The following ARHGEF11 variants were observed in gnomAD, a reference collection of about 807,000 sequenced individuals.
ARHGEF11 encodes Rho guanine nucleotide exchange factor 11, also known as Rho guanine exchange factor (GEF) 11.
In ARHGEF11, 55 loss-of-function variants were observed where a neutral mutation model predicts 193.7. That is an observed-to-expected ratio of 0.28 (90% CI 0.23 to 0.36). The LOEUF is 0.36. Ranked by LOEUF, ARHGEF11 falls within the 10% of genes least tolerant of loss-of-function variation. The probability of loss-of-function intolerance (pLI) is 1.00; values close to 1 mark genes in which losing one functional copy is unlikely to be tolerated. For missense variants in ARHGEF11, 1,723 were observed against 2,005.6 expected (o/e 0.86, Z 2.69); for synonymous variants, 693 against 768.0 (o/e 0.90, Z 1.62).
chr1:156,961,580 T>C (rs1287164789), intron 14 of ARHGEF11, 97 bp downstream of exon 14: 6 of 1,003,578 alleles, frequency 6.0e-6, no homozygotes, highest in Non-Finnish European at 9.3e-6. Flanking sequence ...TTTAAGAACC[T>C]GTCTCTGTTT....
Position 156,978,398 on chromosome 1 carries a change from G to C in ARHGEF11, c.332-16C>G. 1.3e-6 allele frequency: 2 copies of C among 1,574,408 alleles called. No individual in the cohort carries two copies. The highest frequency in any genetic ancestry group is 1.7e-6 in the Non-Finnish European group (2 of 1,161,710). On this transcript the variant is annotated splice_polypyrimidine_tract_variant and intron_variant, in intron 5 of 40. Coordinates refer to ENST00000368194, the MANE Select transcript of ARHGEF11 (RefSeq NM_198236.3). Reference sequence around the variant, plus strand: ...TAGGCGCCAGCTAGAGGGAAACAGAGAGAGACTTGTTCCAGGAGTGCTGTT... The same window carrying C: ...TAGGCGCCAGCTAGAGGGAAACAGACAGAGACTTGTTCCAGGAGTGCTGTT...
At position 156,940,190 on chromosome 1, in the gene ARHGEF11, G is replaced by C; in HGVS notation, c.3733+17C>G. On this transcript the variant is annotated intron_variant, in intron 36 of 40. Transcript: ENST00000368194. ...ACTGGGGACCAGGGGCTGACGGCAG[G>C]GCCTTGAAGCACTCACCATCTTCCA... is the stretch of plus-strand genomic sequence containing the variant. The C allele has an allele frequency of 6.4e-7, 1 of 1,551,746 alleles. No homozygotes were observed. The highest frequency in any genetic ancestry group is 8.7e-7 in the Non-Finnish European group (1 of 1,146,660).
At chr1:156,946,538 T>C (rs1658157648) in intron 28 of ARHGEF11, 124 bp downstream of exon 28, 2 of 1,335,312 alleles carry the variant, frequency 1.5e-6, no homozygotes, top group Non-Finnish European at 2.1e-6. Flanking sequence ...TTGAGGAGCG[T>C]GTGTCGAAGG....
Position 156,948,419 on chromosome 1 carries a change from T to A in ARHGEF11, c.2005A>T (p.Asn669Tyr). ...ACATCACTGCGAGAGCGGGGCACGT[T>A]CTCTGCCTTTCGAGACCGTTTCATC... Reference protein sequence around the residue: ...EEMKRSRKAENVPRSRSDVDM... With the variant: ...EEMKRSRKAEYVPRSRSDVDM... Residue 669 changes from asparagine (N) to tyrosine (Y), a missense_variant, in exon 23 of 41, where the codon AAC (asparagine) becomes TAC (tyrosine). By Grantham distance (143) the Asn-to-Tyr change is moderately radical. This residue lies in a region of ARHGEF11 where 491 missense variants were observed against 654.5 expected (regional missense o/e 0.75). Transcript: ENST00000368194. This position sits in a 1 kb window ranked among gnomAD's most constrained non-coding sequence, Gnocchi z 4.2. 1.2e-6 allele frequency: 2 copies of A among 1,614,208 alleles called. No individual in the cohort carries two copies. Among genetic ancestry groups the A allele is most frequent in the African/African-American group, 1.3e-5 (1 of 75,046 alleles).
At chr1:156,980,276 A>T (rs1663930288) in intron 4 of ARHGEF11, among the ~76,000 whole-genome samples, 161 bp downstream of exon 4, 1 of 152,186 alleles carries the variant, frequency 6.6e-6, no homozygotes, top group Non-Finnish European at 1.5e-5. Flanking sequence ...ACTCTCTCTC[A>T]TGCTATACCA....
upstream of ARHGEF11, among the ~76,000 whole-genome samples, chr1:157,045,783 C>A (rs1406242802): frequency 2.0e-5 from 3 of 150,802 alleles, no homozygotes; most frequent in Admixed American, 1.3e-4. Flanking sequence ...CGGGCCCCTT[C>A]CCCCTCGGTT....
In ARHGEF11 at chr1:156,936,811, C is replaced by T; in HGVS notation, c.4630+5G>A. ...AGGAACCGAGAGGGACCTGGCTTCA[C>T]TCACCATCCTCAGGGCAGGGCCCCA... On this transcript the variant is annotated splice_donor_5th_base_variant and intron_variant, in intron 40 of 40. Coordinates refer to ENST00000368194, the MANE Select transcript of ARHGEF11 (RefSeq NM_198236.3). 1 of 1,611,602 alleles carries T rather than the reference C, an allele frequency of 6.2e-7. No homozygotes were observed. The highest frequency in any genetic ancestry group is 8.5e-7 in the Non-Finnish European group (1 of 1,178,412).
Position 156,946,031 on chromosome 1 carries a change from T to C in ARHGEF11, c.2812+14A>G. 1.2e-6 allele frequency: 2 copies of C among 1,602,254 alleles called. No individual in the cohort carries two copies. The highest frequency in any genetic ancestry group is 2.2e-5 in the South Asian group (2 of 90,770). On this transcript the variant is annotated intron_variant, in intron 29 of 40. Coordinates refer to ENST00000368194, the MANE Select transcript of ARHGEF11 (RefSeq NM_198236.3). ...GCCCACTGCCTGTGATGCCAGCCCC[T>C]CCCCAGGTGCTACCCTCTGTGTGCT... is the stretch of plus-strand genomic sequence containing the variant.
At chr1:157,005,339 C>A (rs768573854) in intron 1 of ARHGEF11, among the ~76,000 whole-genome samples, 2 of 152,144 alleles carry the variant, frequency 1.3e-5, no homozygotes, top group Non-Finnish European at 2.9e-5. Context: ...GGTCTGGGTT[C>A]CCTGGAATCA....
chr1:157,001,535 A>T (rs535404424), intron 1 of ARHGEF11, among the ~76,000 whole-genome samples: 1 of 152,346 alleles, frequency 6.6e-6, no homozygotes, highest in African/African-American at 2.4e-5. Context: ...GACAACCCCA[A>T]GCAACAAACT....
intron 1 of ARHGEF11, among the ~76,000 whole-genome samples, chr1:157,043,471 T>C (rs1673004418): frequency 6.6e-6 from 1 of 152,156 alleles, no homozygotes; most frequent in South Asian, 2.1e-4. Context: ...TTACCAGTGA[T>C]AGAGGTGGCT....
In ARHGEF11 at chr1:156,948,265, C is replaced by T. The variant is rs1205688660; in HGVS notation, c.2106-37G>A. The T allele has an allele frequency of 6.2e-7, 1 of 1,603,996 alleles. No individual in the cohort carries two copies. The highest frequency in any genetic ancestry group is 1.3e-5 in the African/African-American group (1 of 74,732). On this transcript the variant is annotated intron_variant, in intron 23 of 40. Transcript: ENST00000368194. This position sits in a 1 kb window ranked among gnomAD's most constrained non-coding sequence, Gnocchi z 4.2. ...ATGTCAACTCTCAGCAACCCTCTATCCTTGCCGCCACCCCTGAGATGTCCA... is the reference window on the plus strand; with the variant it reads ...ATGTCAACTCTCAGCAACCCTCTATTCTTGCCGCCACCCCTGAGATGTCCA...
intron 1 of ARHGEF11, among the ~76,000 whole-genome samples, chr1:157,015,288 A>AG (rs1669073000): frequency 6.6e-6 from 1 of 152,196 alleles, no homozygotes; most frequent in African/African-American, 2.4e-5. Context: ...ACTACTTACC[A>AG]GCTGTGTGAT....
intron 11 of ARHGEF11, among the ~76,000 whole-genome samples, chr1:156,967,309 C>T (rs1456607115): frequency 6.6e-6 from 1 of 152,200 alleles, no homozygotes; most frequent in Non-Finnish European, 1.5e-5. Context: ...AACGTCTGAA[C>T]GTTGTTAGAC....
chr1:157,016,185 C>T (rs1310158340), intron 1 of ARHGEF11, among the ~76,000 whole-genome samples: 1 of 152,088 alleles, frequency 6.6e-6, no homozygotes, highest in African/African-American at 2.4e-5. Flanking sequence ...ACATGGTCAG[C>T]GAGCAACAAA....
intron 29 of ARHGEF11, 42 bp from the exon 30 acceptor site, chr1:156,945,239 A>AG (rs751992173): frequency 5.7e-6 from 9 of 1,592,484 alleles, no homozygotes; most frequent in Non-Finnish European, 7.7e-6. Flanking sequence ...CTCCTGCCTG[A>AG]GAAGTCCAAC....
chr1:157,033,389 CCT>C (rs1347149853), intron 1 of ARHGEF11, among the ~76,000 whole-genome samples: 10 of 152,208 alleles, frequency 6.6e-5, no homozygotes, highest in African/African-American at 2.4e-4. Flanking sequence ...CATTTTTCTC[CCT>C]CTCTGAAGTC....
chr1:157,026,384 C>T (rs563840143), intron 1 of ARHGEF11, among the ~76,000 whole-genome samples: 1 of 152,120 alleles, frequency 6.6e-6, no homozygotes, highest in Non-Finnish European at 1.5e-5. Context: ...TCAAAGTAAC[C>T]AAGCTCATAG....
At chr1:156,975,596 T>C (rs1663144639) in intron 7 of ARHGEF11, among the ~76,000 whole-genome samples, 1 of 152,252 alleles carries the variant, frequency 6.6e-6, no homozygotes, top group Non-Finnish European at 1.5e-5. Flanking sequence ...GTTATGCTTT[T>C]GGTGTCATAT....
Sources: allele counts gnomAD v4.1 joint callset (sites outside exome capture counted in the v4.1 genomes callset), GRCh38; gene constraint gnomAD v4.1.1; regional missense constraint gnomAD v4.1.1; non-coding constraint Gnocchi (gnomAD v3.1); transcripts MANE v1.5; gene names NCBI Gene and HGNC (gene_info 2026-07-23, HGNC 2026-07-21).